RBFOX1: variants seen among roughly 807,000 people sequenced by gnomAD.
RBFOX1 encodes RNA binding fox-1 homolog 1.
RBFOX1 carries 8 observed loss-of-function variants against 57.7 expected under a neutral mutation model. The ratio of observed to expected loss-of-function variants is 0.14; its 90% CI spans 0.08 to 0.25. RBFOX1 has a LOEUF of 0.25. RBFOX1 is among the 10% of genes least tolerant of loss of function. RBFOX1 has a pLI of 1.00. For missense variants in RBFOX1, 611 were observed against 548.5 expected (o/e 1.11, Z -1.14); for synonymous variants, 326 against 222.4 (o/e 1.47, Z -4.15).
chr16:6,084,519 C>A (rs866407398), intron 1 of RBFOX1, among the ~76,000 whole-genome samples: 1 of 152,112 alleles, frequency 6.6e-6, no homozygotes, highest in Non-Finnish European at 1.5e-5. Context: ...GTTGAGATTG[C>A]AGACAAAAAC....
intron 4 of RBFOX1, among the ~76,000 whole-genome samples, chr16:7,059,347 A>T (rs1364179264): frequency 6.6e-6 from 1 of 152,100 alleles, no homozygotes; most frequent in Non-Finnish European, 1.5e-5. Flanking sequence ...TAATTTTAGG[A>T]TGGTTCGTTG....
chr16:6,724,208 A>T (rs111628301), intron 3 of RBFOX1, among the ~76,000 whole-genome samples: 8,793 of 127,926 alleles, frequency 0.069, 558 homozygotes, highest in African/African-American at 0.18. Flanking sequence ...GGCATCTTCC[A>T]TTTTTTTTTT....
At chr16:6,967,348 G>C (rs1036480717) in intron 3 of RBFOX1, among the ~76,000 whole-genome samples, 1 of 152,116 alleles carries the variant, frequency 6.6e-6, no homozygotes, top group African/African-American at 2.4e-5. Flanking sequence ...CAGTGGGGTT[G>C]GCTCTCATGT....
At chr16:5,856,601 A>ATATATATATATATG (rs1321996342) in intron 3 of RBFOX1, among the ~76,000 whole-genome samples, 11 of 107,300 alleles carry the variant, frequency 1.0e-4, no homozygotes, top group African/African-American at 4.0e-4. Context: ...ATATATATAT[A>ATATATATATATATG]TATAATCTTA....
At position 7,144,369 on chromosome 16, in the gene RBFOX1, T is replaced by G. The variant is rs963359101; in HGVS notation, c.27+92271T>G. ...GGTACCCATCCTTGGACACTATCCA[T>G]GGCCACCCAGGTTAAAACTTCTTCT... On this transcript the variant is annotated intron_variant, in intron 4 of 15. Coordinates refer to ENST00000550418, the MANE Select transcript of RBFOX1 (RefSeq NM_018723.4). 2.0e-5 allele frequency among the ~76,000 whole-genome samples: 3 copies of G among 151,096 alleles called. 1 individual carries two copies. The highest frequency in any genetic ancestry group is 4.2e-4 in the South Asian group (2 of 4,776).
intron 3 of RBFOX1, among the ~76,000 whole-genome samples, chr16:6,748,282 T>TACAC (rs1369036193): frequency 2.0e-5 from 3 of 151,664 alleles, no homozygotes; most frequent in Admixed American, 2.0e-4. Flanking sequence ...TCTCTCTCTC[T>TACAC]ACACACACAC....
intron 3 of RBFOX1, among the ~76,000 whole-genome samples, chr16:6,711,385 C>T (rs115976462): frequency 0.013 from 2,003 of 152,248 alleles, 30 homozygotes; most frequent in African/African-American, 0.037. Context: ...GGTATCTTGT[C>T]CTATCTCTCC....
At chr16:5,733,736 A>G (rs753764984) in intron 3 of RBFOX1, among the ~76,000 whole-genome samples, 4 of 148,294 alleles carry the variant, frequency 2.7e-5, no homozygotes, top group Non-Finnish European at 6.0e-5. Flanking sequence ...TTCCCTTCCT[A>G]TCTCTTCTTT....
At chr16:6,205,696 C>G (rs928021255) in intron 1 of RBFOX1, among the ~76,000 whole-genome samples, 5 of 151,838 alleles carry the variant, frequency 3.3e-5, no homozygotes, top group Non-Finnish European at 7.4e-5. Context: ...GATAGGCACT[C>G]TCTCTTTTTT....
chr16:6,080,511 G>T (rs2095985113), intron 1 of RBFOX1, among the ~76,000 whole-genome samples: 1 of 152,120 alleles, frequency 6.6e-6, no homozygotes, highest in Non-Finnish European at 1.5e-5. Flanking sequence ...GGAGGGGGAG[G>T]CAAACATTGA....
intron 3 of RBFOX1, among the ~76,000 whole-genome samples, chr16:5,649,718 A>G (rs528450282): frequency 2.0e-5 from 3 of 152,220 alleles, no homozygotes; most frequent in East Asian, 1.9e-4. Flanking sequence ...ATGAATTTAC[A>G]TTTCTCTTTT....
intron 2 of RBFOX1, among the ~76,000 whole-genome samples, chr16:6,323,518 T>A (rs532940419): frequency 2.0e-5 from 3 of 152,108 alleles, no homozygotes; most frequent in African/African-American, 7.2e-5. Flanking sequence ...TTGAATGAAT[T>A]TGTGCTGTGA....
At chr16:7,602,286 A>C (rs572599253) in intron 9 of RBFOX1, among the ~76,000 whole-genome samples, 2 of 152,248 alleles carry the variant, frequency 1.3e-5, no homozygotes, top group African/African-American at 4.8e-5. Flanking sequence ...TGGCCCCTTG[A>C]GTCCTGGCCA....
chr16:5,422,819 G>A (rs1475358554), intron 1 of RBFOX1, among the ~76,000 whole-genome samples: 1 of 135,780 alleles, frequency 7.4e-6, no homozygotes, highest in Non-Finnish European at 1.6e-5. Context: ...GGAGGAGGGA[G>A]TGGGAGGAGG....
At chr16:7,698,862 A>AG (rs2079674780) in intron 14 of RBFOX1, among the ~76,000 whole-genome samples, 1 of 152,198 alleles carries the variant, frequency 6.6e-6, no homozygotes, top group Non-Finnish European at 1.5e-5. Context: ...TGCATGCAAT[A>AG]ACAATACCCT....
At chr16:6,730,786 T>C (rs959280781) in intron 3 of RBFOX1, among the ~76,000 whole-genome samples, 4 of 152,176 alleles carry the variant, frequency 2.6e-5, no homozygotes, top group Admixed American at 2.0e-4. Flanking sequence ...GAAGATGGCT[T>C]AGATTTCATT....
intron 1 of RBFOX1, among the ~76,000 whole-genome samples, chr16:5,249,257 G>C (rs113142723): frequency 0.016 from 2,389 of 152,290 alleles, 60 homozygotes; most frequent in African/African-American, 0.052. Context: ...CTTCAGGAAG[G>C]ATGGGGTGCC....
intron 4 of RBFOX1, among the ~76,000 whole-genome samples, chr16:7,361,439 C>T (rs1023048236): frequency 4.6e-5 from 7 of 152,262 alleles, no homozygotes; most frequent in Admixed American, 2.0e-4. Flanking sequence ...CTTGAAAGAA[C>T]GGTTTCCTTT....
At chr16:5,450,799 C>G (rs943517438) in intron 1 of RBFOX1, among the ~76,000 whole-genome samples, 2 of 152,080 alleles carry the variant, frequency 1.3e-5, no homozygotes, top group Middle Eastern at 3.2e-3. Flanking sequence ...CGTCTGGGAC[C>G]GCAGGGATTC....
Sources: allele counts gnomAD v4.1 joint callset (sites outside exome capture counted in the v4.1 genomes callset), GRCh38; gene constraint gnomAD v4.1.1; transcripts MANE v1.5; gene names NCBI Gene and HGNC (gene_info 2026-07-23, HGNC 2026-07-21).